Variants in PPME1 observed in about 807,000 individuals in gnomAD.
PPME1 encodes testicular secretory protein Li 39.
PPME1 carries 17 observed loss-of-function variants against 56.9 expected under a neutral mutation model. That is an observed-to-expected ratio of 0.30 (90% CI 0.20 to 0.45). The LOEUF is 0.45. Ranked by LOEUF, PPME1 falls within the 20% of genes least tolerant of loss-of-function variation. The pLI is 1.00. For synonymous variants in PPME1, 122 were observed against 156.2 expected (o/e 0.78, Z 1.63); for missense variants, 357 against 483.2 (o/e 0.74, Z 2.45).
chr11:74,253,603 G>T lies in PPME1; in HGVS notation c.*93G>T. The T allele has an allele frequency of 1.4e-6, 2 of 1,402,696 alleles. No individual in the cohort carries two copies. The highest frequency in any genetic ancestry group is 2.3e-5 in the East Asian group (1 of 43,762). The allele number at this position is 1,402,696 out of a possible 1,614,324, so 86.9% of individuals were successfully genotyped here. On this transcript the variant is annotated 3_prime_UTR_variant, in exon 14 of 14. Transcript: ENST00000328257. ...GATGCCACTGTCTCCTCTCCATCCC[G>T]CCCAGCCATGTGACACTGGCTCCCG...
intron 11 of PPME1, 47 bp from the exon 12 acceptor site, chr11:74,250,907 A>G (rs1396837030): frequency 2.0e-6 from 3 of 1,491,086 alleles, no homozygotes; most frequent in Non-Finnish European, 2.8e-6. Context: ...TGCATAAGAG[A>G]GGGCTCTTTT....
At chr11:74,244,745 G>C (rs754343114) in intron 9 of PPME1, among the ~76,000 whole-genome samples, 1 of 151,960 alleles carries the variant, frequency 6.6e-6, no homozygotes, top group East Asian at 1.9e-4. Flanking sequence ...TTTTGCTTTT[G>C]TTCACTGCTT....
intron 1 of PPME1, among the ~76,000 whole-genome samples, chr11:74,183,973 G>A (rs576322243): frequency 1.3e-5 from 2 of 152,236 alleles, no homozygotes; most frequent in South Asian, 4.1e-4. Context: ...TAAATGGGAG[G>A]GAGGAGCCAT....
At chr11:74,236,851 A>C (rs1050449014) in intron 8 of PPME1, among the ~76,000 whole-genome samples, 20 of 152,246 alleles carry the variant, frequency 1.3e-4, no homozygotes, top group African/African-American at 4.8e-4. Context: ...TCACGATGAC[A>C]TTATTACACG....
At position 74,204,146 on chromosome 11, in the gene PPME1, A is replaced by AT. The variant is rs1555076989; in HGVS notation, c.196-192dup. ...TTATGTCCTCATGAGGGCAAAGGGA[A>AT]TTTTTTTTTTTTTTTCATTGAACAA... On this transcript the variant is annotated intron_variant, in intron 2 of 13. Coordinates refer to ENST00000328257, the MANE Select transcript of PPME1 (RefSeq NM_016147.3). Among the ~76,000 whole-genome samples the AT allele has an allele frequency of 3.6e-3, 510 of 143,156 alleles. 1 individual carries two copies. Among genetic ancestry groups the AT allele is most frequent in the African/African-American group, 4.1e-3 (162 of 39,922 alleles). 93.9% of individuals were successfully genotyped at this position (143,156 alleles called of 152,430 possible). A position where few individuals can be genotyped will look rare whatever the true frequency, so the allele number is the denominator to read the frequency against.
chr11:74,203,241 T>G lies in PPME1; in HGVS notation c.102-487T>G, dbSNP rs1042199131. Among the ~76,000 whole-genome samples the G allele has an allele frequency of 2.0e-5, 3 of 152,260 alleles. No homozygotes were observed. In the East Asian group the frequency reaches 5.8e-4, roughly 29 times the overall value. ...CCTTCCATGGAGGTTGTATATTGAT[T>G]GTTTGGGAATGACAAGGAAGCATGA... On this transcript the variant is annotated intron_variant, in intron 1 of 13. Transcript: ENST00000328257.
At chr11:74,250,803 A>G in intron 11 of PPME1, 151 bp from the exon 12 acceptor site, 1 of 635,194 alleles carries the variant, frequency 1.6e-6, no homozygotes. Context: ...TTGTATTACC[A>G]TCCTCAGCAA....
chr11:74,222,951 T>A (rs1253915258), intron 4 of PPME1, among the ~76,000 whole-genome samples: 1 of 152,092 alleles, frequency 6.6e-6, no homozygotes, highest in Non-Finnish European at 1.5e-5. Flanking sequence ...TTAATTTTTT[T>A]TTATTATACT....
intron 3 of PPME1, among the ~76,000 whole-genome samples, chr11:74,217,034 A>C (rs1346924120): frequency 6.6e-6 from 1 of 152,216 alleles, no homozygotes; most frequent in East Asian, 1.9e-4. Flanking sequence ...AATTTTACCA[A>C]ACATTTAAAA....
chr11:74,229,624 A>G (rs903913399), intron 5 of PPME1, among the ~76,000 whole-genome samples: 2 of 152,240 alleles, frequency 1.3e-5, no homozygotes, highest in Admixed American at 6.5e-5. Context: ...ATTGTAAATA[A>G]TAATTAACAT....
chr11:74,173,702 C>T (rs541996841), intron 1 of PPME1, among the ~76,000 whole-genome samples: 6 of 152,084 alleles, frequency 3.9e-5, no homozygotes, highest in South Asian at 2.1e-4. Context: ...CCACCACGCC[C>T]GGCTAATTTT....
intron 12 of PPME1, chr11:74,251,431 C>T: frequency 7.1e-7 from 1 of 1,399,584 alleles, no homozygotes; most frequent in South Asian, 1.7e-5. Context: ...TCACGTCATT[C>T]CTCTTGAGCT....
intron 1 of PPME1, among the ~76,000 whole-genome samples, chr11:74,185,917 T>C (rs1442142261): frequency 2.0e-5 from 3 of 152,232 alleles, no homozygotes; most frequent in Non-Finnish European, 4.4e-5. Context: ...AAGTATCTTA[T>C]CTGAAGATGG....
chr11:74,186,972 C>T (rs1857700715), intron 1 of PPME1, among the ~76,000 whole-genome samples: 1 of 152,110 alleles, frequency 6.6e-6, no homozygotes, highest in Non-Finnish European at 1.5e-5. Context: ...ATGTGGATAT[C>T]CAGTTATCCC....
intron 1 of PPME1, among the ~76,000 whole-genome samples, chr11:74,193,824 C>G (rs913596962): frequency 6.6e-6 from 1 of 152,056 alleles, no homozygotes; most frequent in African/African-American, 2.4e-5. Flanking sequence ...TTTCAAGTTT[C>G]TGTTCATTTA....
intron 1 of PPME1, among the ~76,000 whole-genome samples, chr11:74,196,551 G>A (rs1365386086): frequency 6.6e-6 from 1 of 152,060 alleles, no homozygotes; most frequent in African/African-American, 2.4e-5. Flanking sequence ...ACAGGAAAGG[G>A]GTCCCAATCC....
intron 1 of PPME1, among the ~76,000 whole-genome samples, chr11:74,192,669 A>G (rs192136271): frequency 2.0e-5 from 3 of 152,250 alleles, no homozygotes; most frequent in Non-Finnish European, 4.4e-5. Context: ...GTTTATTGCC[A>G]TCACCTTGGT....
At chr11:74,204,486 T>C (rs1858272804) in intron 3 of PPME1, 41 bp downstream of exon 3, 1 of 1,501,424 alleles carries the variant, frequency 6.7e-7, no homozygotes, top group East Asian at 2.3e-5. Context: ...GTTAGCACTT[T>C]TGAACTAATG....
chr11:74,184,989 C>CT (rs559947122), intron 1 of PPME1, among the ~76,000 whole-genome samples: 4,520 of 95,608 alleles, frequency 0.047, 919 homozygotes, highest in African/African-American at 0.069. Context: ...TGAAGTATGT[C>CT]TTTTTTTTTT....
Sources: gnomAD v4.1 joint callset for allele counts (sites outside exome capture counted in the v4.1 genomes callset) on GRCh38, gnomAD v4.1.1 for gene constraint, MANE v1.5 for transcripts, NCBI Gene and HGNC (gene_info 2026-07-23, HGNC 2026-07-21) for gene names.